ABLIM2: variants seen among roughly 807,000 people sequenced by gnomAD.
ABLIM2 encodes actin binding LIM protein family member 2.
In ABLIM2, 53 loss-of-function variants were observed where a neutral mutation model predicts 97.7. That is an observed-to-expected ratio of 0.54 (90% CI 0.44 to 0.68). The LOEUF (loss-of-function observed/expected upper bound fraction) is 0.68. Ranked by LOEUF, ABLIM2 falls within the 30% of genes least tolerant of loss-of-function variation. The pLI is 0.00. For missense variants in ABLIM2, 835 were observed against 867.2 expected (o/e 0.96, Z 0.47); for synonymous variants, 361 against 345.8 (o/e 1.04, Z -0.49).
chr4:8,076,461 A>G (rs563603083), intron 6 of ABLIM2, among the ~76,000 whole-genome samples: 36 of 152,126 alleles, frequency 2.4e-4, no homozygotes, highest in Admixed American at 2.2e-3. Flanking sequence ...TAAAACTCCA[A>G]TGTGGCCCAG....
intron 1 of ABLIM2, among the ~76,000 whole-genome samples, chr4:8,143,029 C>T (rs1851232389): frequency 6.6e-6 from 1 of 152,184 alleles, no homozygotes; most frequent in Non-Finnish European, 1.5e-5. Context: ...TTCCCATCTG[C>T]AAAGGCCCCA....
intron 9 of ABLIM2, among the ~76,000 whole-genome samples, chr4:8,039,894 T>TTTC (rs1553989809): frequency 2.6e-3 from 382 of 145,600 alleles, no homozygotes; most frequent in East Asian, 0.012. Context: ...TTTTTTTTTT[T>TTTC]TTAATAAATG....
In ABLIM2 at chr4:8,046,121, G is replaced by A. The variant is rs1792216526; in HGVS notation, c.823-880C>T. Among the ~76,000 whole-genome samples the A allele has an allele frequency of 1.3e-5, 2 of 152,228 alleles. No homozygotes were observed. The highest frequency in any genetic ancestry group is 2.9e-5 in the Non-Finnish European group (2 of 68,004). ...GCCTTTTTGCTGCTGTCACGCCTGG[G>A]ACCTGTGTCCTCCTTACATGCTCGC... On this transcript the variant is annotated intron_variant, in intron 8 of 20. Transcript: ENST00000447017. The surrounding 1 kb of genome is among the most constrained non-coding windows in gnomAD (Gnocchi z 4.4).
intron 10 of ABLIM2, among the ~76,000 whole-genome samples, chr4:8,030,601 C>T (rs925770039): frequency 6.6e-6 from 1 of 152,322 alleles, no homozygotes; most frequent in South Asian, 2.1e-4. Context: ...CACCTCCATG[C>T]GCTCAGGCCA....
chr4:8,124,408 A>G lies in ABLIM2; in HGVS notation c.11-17771T>C, dbSNP rs1846883541. Among the ~76,000 whole-genome samples the G allele has an allele frequency of 6.6e-6, 1 of 152,162 alleles. No individual in the cohort carries two copies. The highest frequency in any genetic ancestry group is 6.5e-5 in the Admixed American group (1 of 15,280). The stretch of plus-strand genomic sequence containing the variant: ...CCCAAAAAGAAATGCTGCATCCTTT[A>G]CTGTCACTCCCGTTTTCCCTCCGCA... On this transcript the variant is annotated intron_variant, in intron 1 of 20. Transcript: ENST00000447017. This position sits in a 1 kb window ranked among gnomAD's most constrained non-coding sequence, Gnocchi z 6.1.
At chr4:8,153,104 G>A (rs1713646527) in intron 1 of ABLIM2, among the ~76,000 whole-genome samples, 1 of 152,182 alleles carries the variant, frequency 6.6e-6, no homozygotes, top group Non-Finnish European at 1.5e-5. Context: ...GATAGGCAGT[G>A]CCCGCTTAAA....
rs1354317012 is a variant in ABLIM2, at chr4:7,999,113, T to TGGA, written c.1619-6189_1619-6187dup. Among the ~76,000 whole-genome samples, 1 of 152,140 alleles carries TGGA rather than the reference T, an allele frequency of 6.6e-6. No individual in the cohort carries two copies. The highest frequency in any genetic ancestry group is 1.5e-5 in the Non-Finnish European group (1 of 68,012). On this transcript the variant is annotated intron_variant, in intron 16 of 20. Coordinates refer to ENST00000447017, the MANE Select transcript of ABLIM2 (RefSeq NM_001130083.2). The surrounding 1 kb of genome is among the most constrained non-coding windows in gnomAD (Gnocchi z 4.4). ...GGAGTTTTGTTCTTGTTCCCCGGGC[T>TGGA]GGAGTACAATGGCGTGATCTTGGCT... is the stretch of plus-strand genomic sequence containing the variant.
chr4:8,051,191 G>A (rs548798891), intron 8 of ABLIM2, among the ~76,000 whole-genome samples: 36 of 152,348 alleles, frequency 2.4e-4, no homozygotes, highest in African/African-American at 8.4e-4. Flanking sequence ...CGGGGACCTG[G>A]CTGTGGCCGC....
chr4:7,967,631 G>C (rs976920312), intron 20 of ABLIM2, among the ~76,000 whole-genome samples: 1 of 152,240 alleles, frequency 6.6e-6, no homozygotes, highest in Admixed American at 6.5e-5. Context: ...GAAGCCCCTG[G>C]TGTGTAAGCG....
rs59261859 is a variant in ABLIM2 at position 8,111,926 on chromosome 4, C to CAAA, written c.11-5292_11-5290dup. On this transcript the variant is annotated intron_variant, in intron 1 of 20. Transcript: ENST00000447017. ...TGGGTGACAGAATAAGACTCTGTCT[C>CAAA]AAAAAAAAAAAAAAAAAAAATTTAA... Among the ~76,000 whole-genome samples the CAAA allele has an allele frequency of 1.6e-3, 199 of 121,200 alleles. 1 individual carries two copies. Among genetic ancestry groups the CAAA allele is most frequent in the Non-Finnish European group, 2.6e-3 (156 of 60,630 alleles). 79.5% of individuals were successfully genotyped at this position (121,200 alleles called of 152,430 possible).
At position 8,149,342 on chromosome 4, in the gene ABLIM2, T is replaced by C. The variant is rs1370401201; in HGVS notation, c.10+9338A>G. On this transcript the variant is annotated intron_variant, in intron 1 of 20. Coordinates refer to ENST00000447017, the MANE Select transcript of ABLIM2 (RefSeq NM_001130083.2). This position sits in a 1 kb window ranked among gnomAD's most constrained non-coding sequence, Gnocchi z 6.4. Reference sequence around the variant, plus strand: ...GGTCACATAGTCACAGGGCCTGGGATTAGGACATGGGCACCTTTGAGTCCA... The same window carrying C: ...GGTCACATAGTCACAGGGCCTGGGACTAGGACATGGGCACCTTTGAGTCCA... 6.6e-6 allele frequency among the ~76,000 whole-genome samples: 1 copy of C among 151,966 alleles called. No individual in the cohort carries two copies. Among genetic ancestry groups the C allele is most frequent in the Non-Finnish European group, 1.5e-5 (1 of 68,000 alleles).
In ABLIM2 at chr4:8,097,263, G is replaced by A. The variant is rs777037434; in HGVS notation, c.174C>T (p.Ala58=). The change falls in exon 3 of 21, where the codon GCC becomes GCT. Residue 58 remains alanine (A), a synonymous_variant. Coordinates refer to ENST00000447017, the MANE Select transcript of ABLIM2 (RefSeq NM_001130083.2). The part of the protein sequence containing the change: ...FVCKACGCDL[A]EGGFFVRQGE... ...CCTGCCGCACGAAGAAGCCGCCCTC[G>A]GCCAGGTCGCAGCCACATGCTGGGG... is the stretch of plus-strand genomic sequence containing the variant. The A allele has an allele frequency of 1.2e-5, 18 of 1,564,792 alleles. No individual in the cohort carries two copies. Among genetic ancestry groups the A allele is most frequent in the Admixed American group, 1.9e-5 (1 of 52,394 alleles).
rs182012024 is a variant in ABLIM2, at chr4:8,124,488, T to C, written c.11-17851A>G. Among the ~76,000 whole-genome samples, 4 of 152,276 alleles carry C rather than the reference T, an allele frequency of 2.6e-5. No homozygotes were observed. In the East Asian group the frequency reaches 5.8e-4, roughly 22 times the overall value. Reference sequence around the variant, plus strand: ...GGATTTGCCTGCTCTGGGCATTTCATGCGAACGGAATCCCACACTGCGTGG... The same window carrying C: ...GGATTTGCCTGCTCTGGGCATTTCACGCGAACGGAATCCCACACTGCGTGG... On this transcript the variant is annotated intron_variant, in intron 1 of 20. Coordinates refer to ENST00000447017, the MANE Select transcript of ABLIM2 (RefSeq NM_001130083.2). The surrounding 1 kb of genome is among the most constrained non-coding windows in gnomAD (Gnocchi z 6.1).
intron 7 of ABLIM2, among the ~76,000 whole-genome samples, chr4:8,056,305 C>CTTTTTT (rs71175456): frequency 2.3e-5 from 3 of 128,184 alleles, no homozygotes; most frequent in Admixed American, 8.0e-5. Flanking sequence ...TTCTTTCTTT[C>CTTTTTT]TTTTTTTTTT....
Position 8,106,563 on chromosome 4 carries a change from T to A in ABLIM2, c.85A>T (p.Asn29Tyr), listed in dbSNP as rs963429854. ...STAILCNTCG[N>Y]VCKGEVLRVQ... ...CGCAGCACCTCGCCCTTGCACACAT[T>A]CCCACACGTGTTGCACAGGATCGCC... Residue 29 changes from asparagine to tyrosine, a missense_variant, in exon 2 of 21, where the codon AAT becomes TAT. Asn to Tyr is a moderately radical substitution (Grantham distance 143). Coordinates refer to ENST00000447017, the MANE Select transcript of ABLIM2 (RefSeq NM_001130083.2). The A allele has an allele frequency of 6.2e-7, 1 of 1,610,116 alleles. No homozygotes were observed. Among genetic ancestry groups the A allele is most frequent in the Non-Finnish European group, 8.5e-7 (1 of 1,178,566 alleles).
rs377486197 is a variant in ABLIM2, at chr4:7,967,114, A to G, written c.1825-11T>C. On this transcript the variant is annotated splice_polypyrimidine_tract_variant and intron_variant, in intron 20 of 20. Transcript: ENST00000447017. ...GGGCGACAAGTGTCTCTTCAAACAA[A>G]AAGGCAAAACAGAAGGGACCAGTTA... 2 of 1,611,764 alleles carry G rather than the reference A, an allele frequency of 1.2e-6. No individual in the cohort carries two copies. The highest frequency in any genetic ancestry group is 1.7e-6 in the Non-Finnish European group (2 of 1,178,618).
chr4:8,076,500 G>A (rs1276921298), intron 6 of ABLIM2, among the ~76,000 whole-genome samples: 2 of 152,046 alleles, frequency 1.3e-5, no homozygotes, highest in African/African-American at 4.8e-5. Flanking sequence ...CTTCCTCAGT[G>A]CCCCTCCCTA....
chr4:8,051,917 A>G (rs555809137), intron 8 of ABLIM2, among the ~76,000 whole-genome samples: 3 of 152,174 alleles, frequency 2.0e-5, no homozygotes, highest in Non-Finnish European at 1.5e-5. Context: ...CCCTATGCAA[A>G]TCAGACACTG....
rs1301837184 is a variant in ABLIM2, at chr4:7,983,278, G to A, written c.1810C>T (p.Arg604Trp). ...CCCCCGCTTACCTCCAGTCTCGTCC[G>A]GTCCACGTCTTTGGGCAGTTTCACG... The part of the protein sequence containing the change: ...IRVKLPKDVD[R>W]TRLERHLSPE... The change falls in exon 20 of 21, where the codon CGG becomes TGG. Residue 604 changes from arginine (R) to tryptophan (W), a missense_variant. Physicochemically the swap from Arg to Trp is moderately radical, Grantham distance 101. Coordinates refer to ENST00000447017, the MANE Select transcript of ABLIM2 (RefSeq NM_001130083.2). The A allele has an allele frequency of 6.2e-7, 1 of 1,611,458 alleles. No individual in the cohort carries two copies. Among genetic ancestry groups the A allele is most frequent in the Admixed American group, 1.7e-5 (1 of 59,732 alleles).
Sources: allele counts gnomAD v4.1 joint callset (sites outside exome capture counted in the v4.1 genomes callset), GRCh38; gene constraint gnomAD v4.1.1; non-coding constraint Gnocchi (gnomAD v3.1); transcripts MANE v1.5; gene names NCBI Gene and HGNC (gene_info 2026-07-23, HGNC 2026-07-21).